NSMCE1: variants seen among roughly 807,000 people sequenced by gnomAD.
NSMCE1 encodes the protein NSE1 component of SMC5/6 complex.
NSMCE1 carries 18 observed loss-of-function variants against 29.6 expected under a neutral mutation model. The observed-to-expected ratio is 0.61, with a 90% confidence interval of 0.42 to 0.90. The LOEUF is 0.90. Among genes scored for constraint, NSMCE1 ranks in the 40% least tolerant of loss-of-function variants. The probability of loss-of-function intolerance (pLI) is 0.00; values close to 1 mark genes in which losing one functional copy is unlikely to be tolerated. For missense variants in NSMCE1, 314 were observed against 343.6 expected (o/e 0.91, Z 0.68); for synonymous variants, 124 against 133.4 (o/e 0.93, Z 0.49).
chr16:27,229,363 C>T (rs575808328), intron 5 of NSMCE1, among the ~76,000 whole-genome samples: 9 of 152,334 alleles, frequency 5.9e-5, no homozygotes, highest in Non-Finnish European at 1.0e-4. Context: ...TCACTGATCT[C>T]GGGCTCCCCC....
At chr16:27,234,000 C>T in intron 4 of NSMCE1, 188 bp downstream of exon 4, 1 of 563,926 alleles carries the variant, frequency 1.8e-6, no homozygotes, top group East Asian at 3.1e-5. Context: ...CCATGGGGAC[C>T]CCCTGGCAGC....
intron 2 of NSMCE1, among the ~76,000 whole-genome samples, chr16:27,236,188 G>A (rs1044363717): frequency 1.3e-5 from 2 of 152,210 alleles, no homozygotes; most frequent in African/African-American, 4.8e-5. Context: ...AGGAGCCCGT[G>A]GCCGGGGACA....
rs1446427342 is a variant in NSMCE1, at chr16:27,226,721, T to C, written c.599A>G (p.Gln200Arg). 1.2e-6 allele frequency: 2 copies of C among 1,604,496 alleles called. No individual in the cohort carries two copies. Among genetic ancestry groups the C allele is most frequent in the East Asian group, 2.2e-5 (1 of 44,852 alleles). ...ICNICHSLLI[Q>R]GQSCETCGIR... is the part of the protein sequence containing the mutation. ...TCCCGTGCCCTGCCCTGCGGGTACCTGGATGAGGAGGCTGTGACAGATATT... is the reference window on the plus strand; with the variant it reads ...TCCCGTGCCCTGCCCTGCGGGTACCCGGATGAGGAGGCTGTGACAGATATT... The change falls in exon 6 of 8, where the codon CAG becomes CGG. Residue 200 changes from glutamine (Q) to arginine (R), a missense_variant and splice_region_variant. Transcript: ENST00000361439.
chr16:27,235,841 G>A (rs1227199668), intron 2 of NSMCE1, among the ~76,000 whole-genome samples: 2 of 152,210 alleles, frequency 1.3e-5, no homozygotes, highest in South Asian at 4.1e-4. Flanking sequence ...GGCTGGAACA[G>A]TAAGAATAAC....
In NSMCE1 at chr16:27,246,203, C is replaced by T. The variant is rs376325690; in HGVS notation, c.137-10904G>A. On this transcript the variant is annotated intron_variant, in intron 2 of 7. Transcript: ENST00000361439. ...TCTAGTTTTGACACATGTATTTCAG[C>T]GACCTGGTTTTTGCCCAAACATCAA... Among the ~76,000 whole-genome samples, 38 of 152,272 alleles carry T rather than the reference C, an allele frequency of 2.5e-4. 2 individuals are homozygous for T. In the South Asian group the frequency reaches 7.0e-3, roughly 28 times the overall value.
In NSMCE1 at chr16:27,233,153, A is replaced by T; in HGVS notation, c.337-6T>A. 6.2e-7 allele frequency: 1 copy of T among 1,610,638 alleles called. No individual in the cohort carries two copies. The highest frequency in any genetic ancestry group is 8.5e-7 in the Non-Finnish European group (1 of 1,178,962). ...GAGTCAATAATCAGTTCCAGCTGGA[A>T]GAAAGAGCAGGTATCATGCTCATCT... On this transcript the variant is annotated splice_polypyrimidine_tract_variant and splice_region_variant and intron_variant, in intron 4 of 7. Coordinates refer to ENST00000361439, the MANE Select transcript of NSMCE1 (RefSeq NM_145080.4).
intron 1 of NSMCE1, among the ~76,000 whole-genome samples, chr16:27,264,526 G>A (rs554177576): frequency 4.1e-4 from 62 of 152,094 alleles, no homozygotes; most frequent in Non-Finnish European, 7.1e-4. Flanking sequence ...ACTTGATGGC[G>A]GATGAAAGCA....
rs116592210 is a variant in NSMCE1, at chr16:27,249,221, T to C, written c.136+8214A>G. ...TTAAATACATTATTTGCAAATATTT[T>C]CTCTTAGTATTTTGCTTGTCTTTTC... On this transcript the variant is annotated intron_variant, in intron 2 of 7. Transcript: ENST00000361439. Among the ~76,000 whole-genome samples, 887 of 152,358 alleles carry C rather than the reference T, an allele frequency of 5.8e-3. 14 individuals carry two copies. The highest frequency in any genetic ancestry group is 0.019 in the African/African-American group (802 of 41,588).
chr16:27,234,521 T>C (rs907408731), intron 3 of NSMCE1, among the ~76,000 whole-genome samples: 2 of 152,194 alleles, frequency 1.3e-5, no homozygotes, highest in African/African-American at 2.4e-5. Context: ...TCAGATAAAT[T>C]TGGGAGATTT....
chr16:27,254,323 G>A (rs966617066), intron 2 of NSMCE1, among the ~76,000 whole-genome samples: 8 of 152,196 alleles, frequency 5.3e-5, no homozygotes, highest in Non-Finnish European at 1.5e-5. Flanking sequence ...ATATCTAGGT[G>A]CAAAGAAATG....
chr16:27,238,202 G>T (rs2083847628), intron 2 of NSMCE1, among the ~76,000 whole-genome samples: 1 of 152,166 alleles, frequency 6.6e-6, no homozygotes, highest in African/African-American at 2.4e-5. Context: ...CCCGCTCTGT[G>T]GGGCCCTGCG....
chr16:27,231,103 T>C (rs1017170898), intron 5 of NSMCE1, among the ~76,000 whole-genome samples: 1 of 152,216 alleles, frequency 6.6e-6, no homozygotes, highest in Non-Finnish European at 1.5e-5. Flanking sequence ...GGCTCTAGGG[T>C]CTGGGATAAC....
intron 1 of NSMCE1, chr16:27,268,047 G>A (rs1285818579): frequency 6.6e-6 from 1 of 152,172 alleles, no homozygotes; most frequent in Non-Finnish European, 1.5e-5. Flanking sequence ...CCAGGTCAAT[G>A]TAATATATGC....
intron 5 of NSMCE1, among the ~76,000 whole-genome samples, chr16:27,227,649 A>G (rs1384172352): frequency 1.3e-5 from 2 of 152,228 alleles, no homozygotes; most frequent in Non-Finnish European, 1.5e-5. Flanking sequence ...CAGCTCATGC[A>G]TCGGATATGA....
At chr16:27,231,223 A>G (rs778337829) in intron 5 of NSMCE1, among the ~76,000 whole-genome samples, 61 of 152,380 alleles carry the variant, frequency 4.0e-4, no homozygotes, top group Middle Eastern at 3.4e-3. Flanking sequence ...GTTCCTCTGC[A>G]ACCTCATCCA....
In NSMCE1 at chr16:27,254,879, T is replaced by G. The variant is rs1301058595; in HGVS notation, c.136+2556A>C. 5.9e-5 allele frequency among the ~76,000 whole-genome samples: 8 copies of G among 135,930 alleles called. No homozygotes were observed. The East Asian group carries it at 1.5e-3, about 26-fold the overall frequency. 89.2% of individuals were successfully genotyped at this position (135,930 alleles called of 152,430 possible). ...AGTCCAACCATGCTTTTTTTTTTTT[T>G]TTTTTTTTTTTTTTTTTTGATACAT... On this transcript the variant is annotated intron_variant, in intron 2 of 7. Transcript: ENST00000361439.
At chr16:27,231,388 G>C (rs113642718) in intron 5 of NSMCE1, among the ~76,000 whole-genome samples, 14,639 of 152,276 alleles carry the variant, frequency 0.096, 969 homozygotes, top group Middle Eastern at 0.19. Context: ...TGTCATCCCA[G>C]CACTTTGGGA....
rs753393401 is a variant in NSMCE1 at position 27,225,233 on chromosome 16, A to C, written c.725T>G (p.Val242Gly). The C allele has an allele frequency of 1.0e-5, 16 of 1,593,786 alleles. No homozygotes were observed. The highest frequency in any genetic ancestry group is 3.4e-5 in the Admixed American group (2 of 58,920). The change falls in exon 8 of 8, where the codon GTC becomes GGC. Residue 242 changes from valine to glycine, a missense_variant. Val to Gly is a moderately radical substitution (Grantham distance 109, BLOSUM62 -3). Coordinates refer to ENST00000361439, the MANE Select transcript of NSMCE1 (RefSeq NM_145080.4). Reference protein sequence around the residue: ...NDYWPHEIPKVFDPEKERESG... With the variant: ...NDYWPHEIPKGFDPEKERESG... ...CTCCCTCTCCTTCTCAGGGTCGAAG[A>C]CTTCTGTAGACAGAAAAGGCAGGAA...
At chr16:27,227,273 C>T (rs1461920813) in intron 5 of NSMCE1, among the ~76,000 whole-genome samples, 2 of 152,260 alleles carry the variant, frequency 1.3e-5, no homozygotes, top group East Asian at 3.9e-4. Context: ...CCTCCCAGCA[C>T]TTCTGCCTCC....
Sources: gnomAD v4.1 joint callset for allele counts (sites outside exome capture counted in the v4.1 genomes callset) on GRCh38, gnomAD v4.1.1 for gene constraint, MANE v1.5 for transcripts, NCBI Gene and HGNC (gene_info 2026-07-23, HGNC 2026-07-21) for gene names.